ING5: variants seen among roughly 807,000 people sequenced by gnomAD.
The protein encoded by ING5 is inhibitor of growth family member 5, also known as inhibitor of growth protein 5.
In ING5, 17 loss-of-function variants were observed where a neutral mutation model predicts 37.4. The observed-to-expected ratio is 0.45, with a 90% CI of 0.31 to 0.68. The LOEUF is 0.68. Ranked by LOEUF, ING5 falls within the 30% of genes least tolerant of loss-of-function variation. ING5 has a pLI of 0.05. For missense variants in ING5, 233 were observed against 311.9 expected, an observed-to-expected ratio of 0.75 and a Z score of 1.91; for synonymous variants, 123 against 116.6, an observed-to-expected ratio of 1.06 and a Z score of -0.36.
At chr2:241,697,279 C>A (rs1317608240), upstream of ING5, among the ~76,000 whole-genome samples, 3 of 150,894 alleles carry the variant, frequency 2.0e-5, no homozygotes, top group African/African-American at 7.3e-5. Context: ...ACTAAAAATA[C>A]AAAGAATTAG....
intron 7 of ING5, chr2:241,724,496 C>CCT: frequency 6.0e-6 from 1 of 167,404 alleles, no homozygotes; most frequent in South Asian, 1.6e-4. Context: ...TCAGCAGCTG[C>CCT]CTCTGTTCAG....
chr2:241,718,551 A>G (rs2070344042), intron 5 of ING5, among the ~76,000 whole-genome samples: 1 of 150,622 alleles, frequency 6.6e-6, no homozygotes, highest in Non-Finnish European at 1.5e-5. Flanking sequence ...AAGTAGCTGG[A>G]ATTACAGGCA....
chr2:241,722,590 T>C, intron 5 of ING5: 3 of 985,394 alleles, frequency 3.0e-6, no homozygotes, highest in Non-Finnish European at 3.6e-6. Context: ...TACTTAATGA[T>C]TTTCTTGCTG....
In ING5 at chr2:241,702,039, A is replaced by C; in HGVS notation, c.-27A>C. 7.3e-7 allele frequency: 1 copy of C among 1,362,942 alleles called. No homozygotes were observed. The highest frequency in any genetic ancestry group is 1.6e-5 in the South Asian group (1 of 64,120). The allele number at this position is 1,362,942 out of a possible 1,614,324, so 84.4% of individuals were successfully genotyped here. ...CTCCCGCGGCACCGCCCGCCCGCGC[A>C]GACCCCGAGCGCGGCCGCGGACGAA... On this transcript the variant is annotated 5_prime_UTR_variant, in exon 1 of 8. Coordinates refer to ENST00000313552, the MANE Select transcript of ING5 (RefSeq NM_032329.6).
intron 2 of ING5, 23 bp from the exon 3 acceptor site, chr2:241,709,192 GC>G: frequency 6.2e-7 from 1 of 1,601,938 alleles, no homozygotes; most frequent in East Asian, 2.2e-5. Context: ...TGCAGGGCTA[GC>G]TTTTCCCCCA....
intron 5 of ING5, chr2:241,721,273 C>T (rs7601057): frequency 0.4 from 396,555 of 985,182 alleles, 80,734 homozygotes; most frequent in South Asian, 0.49. Flanking sequence ...AGGAGAGACC[C>T]GAAGACTACT....
At chr2:241,711,678 A>T in intron 4 of ING5, 190 bp downstream of exon 4, 1 of 584,568 alleles carries the variant, frequency 1.7e-6, no homozygotes, top group Non-Finnish European at 3.0e-6. Context: ...AGGCAGGAGG[A>T]TCACTTGAGG....
At chr2:241,719,969 C>T (rs923104580) in intron 5 of ING5, 6 of 1,272,090 alleles carry the variant, frequency 4.7e-6, no homozygotes, top group East Asian at 3.0e-5. Context: ...TTCTCTGTGC[C>T]CCCAAGTGGC....
At chr2:241,713,547 A>G (rs1322866137) in intron 5 of ING5, among the ~76,000 whole-genome samples, 1 of 147,306 alleles carries the variant, frequency 6.8e-6, no homozygotes, top group Non-Finnish European at 1.5e-5. Flanking sequence ...ATTTTTTTTT[A>G]TTTTTTGTAG....
At chr2:241,721,689 G>T in intron 5 of ING5, 1 of 985,458 alleles carries the variant, frequency 1.0e-6, no homozygotes. Context: ...GGGTTGGAGG[G>T]TGGGATAGGG....
intron 5 of ING5, among the ~76,000 whole-genome samples, chr2:241,718,870 T>G (rs72484058): frequency 0.1 from 15,302 of 152,262 alleles, 826 homozygotes; most frequent in South Asian, 0.14. Flanking sequence ...CACCATTCCT[T>G]GGTAACCAGC....
upstream of ING5, chr2:241,701,950 G>T (rs2069737661): frequency 1.7e-6 from 1 of 571,810 alleles, no homozygotes; most frequent in Non-Finnish European, 2.5e-6. Flanking sequence ...CCCGCCCCCG[G>T]GCGCGACCAA....
chr2:241,725,169 C>T lies in ING5; in HGVS notation c.*138C>T. The T allele has an allele frequency of 1.1e-6, 1 of 917,754 alleles. No homozygotes were observed. 56.9% of individuals were successfully genotyped at this position (917,754 alleles called of 1,614,324 possible). A position where few individuals can be genotyped will look rare whatever the true frequency, so the allele number is the denominator to read the frequency against. On this transcript the variant is annotated 3_prime_UTR_variant, in exon 8 of 8. Transcript: ENST00000313552. ...TGGCCAGTTGAAGCGCTGGATGTTT[C>T]CTAGAACAAGAACCACCAAAGCCTG...
At position 241,703,412 on chromosome 2, in the gene ING5, T is replaced by C. The variant is rs2069804540; in HGVS notation, c.38-1241T>C. 2.6e-5 allele frequency among the ~76,000 whole-genome samples: 4 copies of C among 152,110 alleles called. No homozygotes were observed. The South Asian group carries it at 8.3e-4, about 32-fold the overall frequency. On this transcript the variant is annotated intron_variant, in intron 1 of 7. Transcript: ENST00000313552. ...GCTGTGCAGGGGGCGGAGGTTGGCC[T>C]GGTCTAGGGGGTAACAAAGCAGACG...
In ING5 at chr2:241,721,387, G is replaced by C. The variant is rs535196028; in HGVS notation, c.483-1552G>C. The C allele has an allele frequency of 2.5e-5, 25 of 985,496 alleles. No homozygotes were observed. In the South Asian group the frequency reaches 2.8e-4, roughly 11 times the overall value. 61.0% of individuals were successfully genotyped at this position (985,496 alleles called of 1,614,324 possible). On this transcript the variant is annotated intron_variant, in intron 5 of 7. Transcript: ENST00000313552. ...AAACCCCTGTCTATTCCCAGACAGA[G>C]AGAAAGAGCAGAAGAGCAGATTACC...
intron 5 of ING5, chr2:241,720,659 G>A: frequency 4.1e-6 from 4 of 985,650 alleles, no homozygotes; most frequent in Non-Finnish European, 4.8e-6. Flanking sequence ...TCGGGGCCGG[G>A]CGCGGAAGGG....
chr2:241,716,655 T>C (rs1172747742), intron 5 of ING5, among the ~76,000 whole-genome samples: 1 of 152,154 alleles, frequency 6.6e-6, no homozygotes, highest in Non-Finnish European at 1.5e-5. Context: ...CACAGTGAGC[T>C]TCAGATATTA....
At chr2:241,706,973 T>G (rs932667209) in intron 2 of ING5, among the ~76,000 whole-genome samples, 7 of 151,352 alleles carry the variant, frequency 4.6e-5, no homozygotes, top group African/African-American at 1.7e-4. Context: ...TTTTTTTTTT[T>G]TTTGAGATGG....
chr2:241,697,439 A>G (rs1174256005), upstream of ING5, among the ~76,000 whole-genome samples: 2 of 151,674 alleles, frequency 1.3e-5, no homozygotes, highest in African/African-American at 4.8e-5. Context: ...TGTCTCAAAA[A>G]AAAAAAAAAA....
Sources: gnomAD v4.1 joint callset for allele counts (sites outside exome capture counted in the v4.1 genomes callset) on GRCh38, gnomAD v4.1.1 for gene constraint, MANE v1.5 for transcripts, NCBI Gene and HGNC (gene_info 2026-07-23, HGNC 2026-07-21) for gene names.